The following TRIP13 variants were observed in gnomAD, a reference collection of about 807,000 sequenced individuals.
TRIP13 encodes thyroid hormone receptor interactor 13, also known as pachytene checkpoint protein 2 homolog.
TRIP13 carries 25 observed loss-of-function variants against 54.4 expected under a neutral mutation model. The ratio of observed to expected loss-of-function variants is 0.46; its 90% CI spans 0.33 to 0.64. The LOEUF is 0.64. Among genes scored for constraint, TRIP13 ranks in the 30% least tolerant of loss-of-function variants. The probability of loss-of-function intolerance (pLI) is 0.02; values close to 1 mark genes in which losing one functional copy is unlikely to be tolerated. For synonymous variants in TRIP13, 207 were observed against 207.8 expected, an observed-to-expected ratio of 1.00 and a Z score of 0.03; for missense variants, 373 against 534.2, an observed-to-expected ratio of 0.70 and a Z score of 2.97.
In TRIP13 at chr5:911,755, C is replaced by T; in HGVS notation, c.867-88C>T. On this transcript the variant is annotated intron_variant, in intron 9 of 12. Coordinates refer to ENST00000166345, the MANE Select transcript of TRIP13 (RefSeq NM_004237.4). The surrounding 1 kb of genome is among the most constrained non-coding windows in gnomAD (Gnocchi z 4.7). ...TGTTGGCAGCCTGCTGGCCATCGTC[C>T]TGCCAACCTCCTTGCCAGATAGGGC... is the stretch of plus-strand genomic sequence containing the variant. 2 of 1,498,774 alleles carry T rather than the reference C, an allele frequency of 1.3e-6. No individual in the cohort carries two copies. The highest frequency in any genetic ancestry group is 1.4e-5 in the African/African-American group (1 of 71,488). 92.8% of individuals were successfully genotyped at this position (1,498,774 alleles called of 1,614,324 possible).
At position 912,777 on chromosome 5, in the gene TRIP13, C is replaced by T. The variant is rs1185643082; in HGVS notation, c.1020+781C>T. Among the ~76,000 whole-genome samples, 3 of 152,204 alleles carry T rather than the reference C, an allele frequency of 2.0e-5. No individual in the cohort carries two copies. Among genetic ancestry groups the T allele is most frequent in the Non-Finnish European group, 1.5e-5 (1 of 68,038 alleles). On this transcript the variant is annotated intron_variant, in intron 10 of 12. Coordinates refer to ENST00000166345, the MANE Select transcript of TRIP13 (RefSeq NM_004237.4). The surrounding 1 kb of genome is among the most constrained non-coding windows in gnomAD (Gnocchi z 7.2). ...TGTGAGTCAGGCTAGCAGGGACCTG[C>T]CCCATGCTTGTGTTTCTGCTGCTCT...
chr5:900,425 G>T (rs1185316939), intron 3 of TRIP13, 69 bp from the exon 4 acceptor site: 1 of 1,513,786 alleles, frequency 6.6e-7, no homozygotes, highest in Non-Finnish European at 9.2e-7. Context: ...AGGCTCAGGG[G>T]AGACTGACTG....
Position 908,539 on chromosome 5 carries a change from C to T in TRIP13, c.866+78C>T. On this transcript the variant is annotated intron_variant, in intron 9 of 12. Transcript: ENST00000166345. This position sits in a 1 kb window ranked among gnomAD's most constrained non-coding sequence, Gnocchi z 5.2. ...AAAGAAATGCGTGATACTTGTGCAA[C>T]CCTAGATCTTAGTGCCCAGCTCTTT... 6.3e-7 allele frequency: 1 copy of T among 1,582,858 alleles called. No individual in the cohort carries two copies.
Position 908,653 on chromosome 5 carries a change from T to C in TRIP13, c.866+192T>C. ...AAATGCTTTTTAAAGAAATTGTTTT[T>C]AGTGTGTTAAAAATGTAATAGAAGG... is the stretch of plus-strand genomic sequence containing the variant. On this transcript the variant is annotated intron_variant, in intron 9 of 12. Coordinates refer to ENST00000166345, the MANE Select transcript of TRIP13 (RefSeq NM_004237.4). This position sits in a 1 kb window ranked among gnomAD's most constrained non-coding sequence, Gnocchi z 5.2. 1 of 1,417,522 alleles carries C rather than the reference T, an allele frequency of 7.1e-7. No homozygotes were observed. The highest frequency in any genetic ancestry group is 9.2e-7 in the Non-Finnish European group (1 of 1,084,310). The allele number at this position is 1,417,522 out of a possible 1,614,324, so 87.8% of individuals were successfully genotyped here.
At chr5:905,192 A>G (rs370909583) in intron 6 of TRIP13, among the ~76,000 whole-genome samples, 24 of 152,134 alleles carry the variant, frequency 1.6e-4, no homozygotes, top group African/African-American at 5.1e-4. Flanking sequence ...TTAACACTCA[A>G]TTGTGGTCCT....
At chr5:918,563 G>C (rs556020764), downstream of TRIP13, among the ~76,000 whole-genome samples, 1 of 152,310 alleles carries the variant, frequency 6.6e-6, no homozygotes, top group African/African-American at 2.4e-5. This position sits in a 1 kb window ranked among gnomAD's most constrained non-coding sequence, Gnocchi z 4.3. Flanking sequence ...AGACTCATCT[G>C]AGAGTAAAGG....
intron 5 of TRIP13, among the ~76,000 whole-genome samples, chr5:901,708 T>G (rs1469990052): frequency 6.6e-6 from 1 of 152,188 alleles, no homozygotes; most frequent in Non-Finnish European, 1.5e-5. Flanking sequence ...ACTTCCTGGG[T>G]TCCTCCCAGG....
intron 1 of TRIP13, 59 bp from the exon 2 acceptor site, chr5:894,728 T>A: frequency 6.5e-7 from 1 of 1,538,750 alleles, no homozygotes; most frequent in East Asian, 2.3e-5. Context: ...AAACACTTCA[T>A]TTTAACATTT....
chr5:904,201 A>G lies in TRIP13; in HGVS notation c.589A>G (p.Thr197Ala), dbSNP rs1207792127. ...GTGTAAAGCGTTAGCCCAGAAATTG[A>G]CAATTAGACTTTCAAGCAGGTAACT... The part of the protein sequence containing the change: ...SLCKALAQKL[T>A]IRLSSRYRYG... Residue 197 changes from threonine to alanine, a missense_variant, in exon 6 of 13, where the codon ACA becomes GCA. Transcript: ENST00000166345. The G allele has an allele frequency of 1.2e-6, 2 of 1,608,838 alleles. No individual in the cohort carries two copies. The highest frequency in any genetic ancestry group is 1.7e-6 in the Non-Finnish European group (2 of 1,178,372).
intron 3 of TRIP13, among the ~76,000 whole-genome samples, chr5:900,241 G>A (rs907614790): frequency 1.3e-5 from 2 of 152,246 alleles, no homozygotes; most frequent in Non-Finnish European, 2.9e-5. Context: ...GACGTAAAGT[G>A]TAATTCTTTG....
intron 2 of TRIP13, among the ~76,000 whole-genome samples, chr5:896,260 G>A (rs767540361): frequency 6.6e-6 from 1 of 152,212 alleles, no homozygotes; most frequent in Non-Finnish European, 1.5e-5. Context: ...GTTGCTGTGA[G>A]CTGTGATCGT....
At chr5:903,451 A>G (rs1270675466) in intron 5 of TRIP13, among the ~76,000 whole-genome samples, 1 of 152,158 alleles carries the variant, frequency 6.6e-6, no homozygotes, top group Non-Finnish European at 1.5e-5. Flanking sequence ...TTAATGATTA[A>G]TATTCATATA....
chr5:915,318 C>T lies in TRIP13; in HGVS notation c.1134-586C>T, dbSNP rs937622068. ...CCTACTGACCATGTGCCCGCTGCAT[C>T]GTGCCTTACGCCTGGTGCTCCCAGG... On this transcript the variant is annotated intron_variant, in intron 11 of 12. Coordinates refer to ENST00000166345, the MANE Select transcript of TRIP13 (RefSeq NM_004237.4). The surrounding 1 kb of genome is among the most constrained non-coding windows in gnomAD (Gnocchi z 4.2). 6.6e-6 allele frequency among the ~76,000 whole-genome samples: 1 copy of T among 152,346 alleles called. No individual in the cohort carries two copies. The highest frequency in any genetic ancestry group is 1.5e-5 in the Non-Finnish European group (1 of 68,042).
chr5:908,654 AGT>A lies in TRIP13; in HGVS notation c.866+198_866+199del. On this transcript the variant is annotated intron_variant, in intron 9 of 12. Coordinates refer to ENST00000166345, the MANE Select transcript of TRIP13 (RefSeq NM_004237.4). The surrounding 1 kb of genome is among the most constrained non-coding windows in gnomAD (Gnocchi z 5.2). ...AATGCTTTTTAAAGAAATTGTTTTT[AGT>A]GTGTTAAAAATGTAATAGAAGGCCA... 1 of 1,415,288 alleles carries A rather than the reference AGT, an allele frequency of 7.1e-7. No individual in the cohort carries two copies. Among genetic ancestry groups the A allele is most frequent in the Admixed American group, 2.7e-5 (1 of 37,456 alleles). 87.7% of individuals were successfully genotyped at this position (1,415,288 alleles called of 1,614,324 possible). A position where few individuals can be genotyped will look rare whatever the true frequency, so the allele number is the denominator to read the frequency against.
At position 904,300 on chromosome 5, in the gene TRIP13, C is replaced by G. The variant is rs572675724; in HGVS notation, c.608+80C>G. On this transcript the variant is annotated intron_variant, in intron 6 of 12. Transcript: ENST00000166345. ...AGGTTGTTTTTTTTTTTTTCTAAATCATTTTACGCAAATAATAGATTCCTC... is the reference window on the plus strand; with the variant it reads ...AGGTTGTTTTTTTTTTTTTCTAAATGATTTTACGCAAATAATAGATTCCTC... 5.1e-6 allele frequency: 6 copies of G among 1,174,506 alleles called. No homozygotes were observed. The African/African-American group carries it at 9.5e-5, about 19-fold the overall frequency. The allele number at this position is 1,174,506 out of a possible 1,614,324, so 72.8% of individuals were successfully genotyped here. A position where few individuals can be genotyped will look rare whatever the true frequency, so the allele number is the denominator to read the frequency against.
chr5:899,974 G>C (rs966722873), intron 3 of TRIP13, among the ~76,000 whole-genome samples: 1 of 152,068 alleles, frequency 6.6e-6, no homozygotes, highest in Non-Finnish European at 1.5e-5. Flanking sequence ...CAAGCCCAGG[G>C]CTTCATTCAG....
At chr5:904,756 A>G (rs967996722) in intron 6 of TRIP13, among the ~76,000 whole-genome samples, 2 of 151,964 alleles carry the variant, frequency 1.3e-5, no homozygotes, top group African/African-American at 4.8e-5. Flanking sequence ...CTGATTTTCT[A>G]CATCGTCTAA....
chr5:917,235 C>A lies in TRIP13; in HGVS notation c.*132C>A. 2 of 749,298 alleles carry A rather than the reference C, an allele frequency of 2.7e-6. No homozygotes were observed. Among genetic ancestry groups the A allele is most frequent in the Non-Finnish European group, 4.3e-6 (2 of 467,984 alleles). The allele number at this position is 749,298 out of a possible 1,614,324, so 46.4% of individuals were successfully genotyped here. A position where few individuals can be genotyped will look rare whatever the true frequency, so the allele number is the denominator to read the frequency against. On this transcript the variant is annotated 3_prime_UTR_variant, in exon 13 of 13. Transcript: ENST00000166345. ...TTACTTAGACTGCAAGCTAGAAAGC[C>A]ACCAAGGCCAGGCTTTGTTAAAAGA...
At chr5:905,624 C>T (rs1754099757) in intron 6 of TRIP13, among the ~76,000 whole-genome samples, 1 of 152,152 alleles carries the variant, frequency 6.6e-6, no homozygotes, top group Non-Finnish European at 1.5e-5. Flanking sequence ...GGTCTTCCGA[C>T]TCAGGAGTCC....
Sources: gnomAD v4.1 joint callset for allele counts (sites outside exome capture counted in the v4.1 genomes callset) on GRCh38, gnomAD v4.1.1 for gene constraint, Gnocchi (gnomAD v3.1) non-coding constraint, MANE v1.5 for transcripts, NCBI Gene and HGNC (gene_info 2026-07-23, HGNC 2026-07-21) for gene names.